RAB38: variants seen among roughly 807,000 people sequenced by gnomAD.
RAB38 encodes the protein RAB38, member RAS oncogene family.
Under a neutral mutation model 18.4 loss-of-function variants are expected in RAB38, and 15 were observed. The ratio of observed to expected loss-of-function variants is 0.82; its 90% CI spans 0.55 to 1.26. The LOEUF is 1.26. Among genes scored for constraint, RAB38 ranks in the 50% most tolerant of loss-of-function variants. The pLI is 0.00. For synonymous variants in RAB38, 101 were observed against 104.4 expected (o/e 0.97, Z 0.20); for missense variants, 294 against 267.4 (o/e 1.10, Z -0.69).
At chr11:87,937,888 T>C in the RAB38 span, among the ~76,000 whole-genome samples, 2 of 146,828 alleles carry the variant, frequency 1.4e-5, no homozygotes, top group Non-Finnish European at 3.0e-5. Flanking sequence ...TTTTTTTTTT[T>C]TTTATCATGT....
rs369365083 is a variant in RAB38 at position 88,138,931 on chromosome 11, C to G, written c.483+10744G>C. Among the ~76,000 whole-genome samples the G allele has an allele frequency of 9.2e-5, 14 of 151,986 alleles. No homozygotes were observed. The East Asian group carries it at 2.5e-3, about 27-fold the overall frequency. ...CCGAGTAGCTGGGACTACAGGCGCC[C>G]GCCACCACGCCTGGCTAATTTTTTT... On this transcript the variant is annotated intron_variant, in intron 2 of 2. Coordinates refer to ENST00000243662, the MANE Select transcript of RAB38 (RefSeq NM_022337.3).
the RAB38 span, among the ~76,000 whole-genome samples, chr11:88,066,124 T>C: frequency 6.6e-6 from 1 of 152,220 alleles, no homozygotes; most frequent in African/African-American, 2.4e-5. Flanking sequence ...AACAGAAGGT[T>C]AGATAACAAG....
chr11:88,022,886 A>G, the RAB38 span, among the ~76,000 whole-genome samples: 1 of 152,170 alleles, frequency 6.6e-6, no homozygotes, highest in African/African-American at 2.4e-5. Context: ...ACAATGATTT[A>G]TATTTTGGGG....
chr11:88,165,229 TA>T (rs1943233232), intron 1 of RAB38, among the ~76,000 whole-genome samples: 1 of 152,124 alleles, frequency 6.6e-6, no homozygotes, highest in Non-Finnish European at 1.5e-5. Flanking sequence ...ATAGCATGGC[TA>T]GAAAATAGGA....
chr11:87,861,943 C>G, the RAB38 span, among the ~76,000 whole-genome samples: 2 of 151,816 alleles, frequency 1.3e-5, no homozygotes, highest in East Asian at 3.9e-4. Context: ...TAGAGAAATG[C>G]AAATCAAAAC....
chr11:88,125,721 T>C (rs192193721), intron 2 of RAB38, among the ~76,000 whole-genome samples: 76 of 152,324 alleles, frequency 5.0e-4, no homozygotes, highest in African/African-American at 1.8e-3. Context: ...TTAGTTTAAT[T>C]AGATCCTATT....
chr11:87,804,412 A>G, the RAB38 span, among the ~76,000 whole-genome samples: 13 of 152,230 alleles, frequency 8.5e-5, no homozygotes, highest in Non-Finnish European at 1.5e-4. Flanking sequence ...CTGCTGAGGT[A>G]TCTTGTTTTC....
the RAB38 span, among the ~76,000 whole-genome samples, chr11:88,014,008 A>G: frequency 2.0e-4 from 30 of 152,228 alleles, no homozygotes; most frequent in African/African-American, 7.0e-4. Context: ...AGCAGTAGCT[A>G]TTATTGTTAT....
At chr11:88,117,551 T>C (rs1165524768) in intron 2 of RAB38, among the ~76,000 whole-genome samples, 2 of 152,236 alleles carry the variant, frequency 1.3e-5, no homozygotes, top group Non-Finnish European at 2.9e-5. Context: ...TGTCATGGTA[T>C]ACATATTTCA....
chr11:87,894,528 T>G, the RAB38 span, among the ~76,000 whole-genome samples: 1 of 151,600 alleles, frequency 6.6e-6, no homozygotes, highest in Non-Finnish European at 1.5e-5. Context: ...CATTTTGAGA[T>G]AGTTGTATTA....
the RAB38 span, among the ~76,000 whole-genome samples, chr11:88,103,824 T>C: frequency 6.6e-6 from 1 of 152,128 alleles, no homozygotes; most frequent in African/African-American, 2.4e-5. Flanking sequence ...GCTAGTGAGA[T>C]CCTGCAGGAG....
At chr11:87,953,649 G>GA in the RAB38 span, among the ~76,000 whole-genome samples, 6 of 151,974 alleles carry the variant, frequency 3.9e-5, no homozygotes, top group Non-Finnish European at 7.4e-5. Context: ...GTATGCATAG[G>GA]AAAAAACATA....
At chr11:88,098,093 G>A in the RAB38 span, 1 of 151,728 alleles carries the variant, frequency 6.6e-6, no homozygotes, top group African/African-American at 2.4e-5. Flanking sequence ...AGGTAGAGAT[G>A]CAGTAATACA....
the RAB38 span, among the ~76,000 whole-genome samples, chr11:87,935,607 T>G: frequency 8.5e-5 from 13 of 152,296 alleles, no homozygotes; most frequent in African/African-American, 3.1e-4. Context: ...ATAGGTCCAG[T>G]GTAGCCTTAC....
At chr11:88,171,517 T>C (rs1022658345) in intron 1 of RAB38, among the ~76,000 whole-genome samples, 6 of 152,254 alleles carry the variant, frequency 3.9e-5, no homozygotes, top group Non-Finnish European at 7.3e-5. Flanking sequence ...ATTTAAACTA[T>C]GTCTGAAGTG....
chr11:87,827,588 A>G, the RAB38 span, among the ~76,000 whole-genome samples: 7 of 152,170 alleles, frequency 4.6e-5, no homozygotes, highest in African/African-American at 9.7e-5. Flanking sequence ...ATTTAGGAAG[A>G]ATATTAATGA....
the RAB38 span, among the ~76,000 whole-genome samples, chr11:87,811,579 CT>C: frequency 6.6e-6 from 1 of 152,122 alleles, no homozygotes; most frequent in African/African-American, 2.4e-5. Flanking sequence ...CCTTTACCCA[CT>C]TTCTTTGCTG....
chr11:88,054,001 TA>T, the RAB38 span, among the ~76,000 whole-genome samples: 1 of 152,190 alleles, frequency 6.6e-6, no homozygotes, highest in Non-Finnish European at 1.5e-5. Context: ...TTTTAACTTG[TA>T]TGTGAACTTG....
chr11:88,064,407 G>A, the RAB38 span, among the ~76,000 whole-genome samples: 1 of 152,156 alleles, frequency 6.6e-6, no homozygotes, highest in Admixed American at 6.5e-5. Flanking sequence ...TCCCAAGCCT[G>A]GCCTGCTGTT....
Sources: allele counts gnomAD v4.1 joint callset (sites outside exome capture counted in the v4.1 genomes callset), GRCh38; gene constraint gnomAD v4.1.1; transcripts MANE v1.5; gene names NCBI Gene and HGNC (gene_info 2026-07-23, HGNC 2026-07-21).